CYP2C19: variants seen among roughly 807,000 people sequenced by gnomAD.
CYP2C19 encodes cytochrome P450 2C19.
Under a neutral mutation model 40.9 loss-of-function variants are expected in CYP2C19, and 59 were observed. The observed-to-expected ratio is 1.44, with a 90% CI of 1.17 to 1.79. CYP2C19 has a LOEUF of 1.79. Ranked by LOEUF, CYP2C19 falls within the 40% of genes most tolerant of loss-of-function variation. CYP2C19 has a pLI of 0.00. For missense variants in CYP2C19, 754 were observed against 596.9 expected, an observed-to-expected ratio of 1.26 and a Z score of -2.74; for synonymous variants, 253 against 208.7, an observed-to-expected ratio of 1.21 and a Z score of -1.83.
intron 6 of CYP2C19, among the ~76,000 whole-genome samples, chr10:94,841,202 GA>G (rs1437253499): frequency 6.6e-6 from 1 of 152,202 alleles, no homozygotes; most frequent in Non-Finnish European, 1.5e-5. Context: ...GTGGGTCATG[GA>G]AGAGAACCGT....
intron 6 of CYP2C19, among the ~76,000 whole-genome samples, chr10:94,837,371 G>A (rs560431565): frequency 1.3e-5 from 2 of 152,104 alleles, no homozygotes; most frequent in Non-Finnish European, 1.5e-5. Flanking sequence ...ACTTGAACAG[G>A]ACAGGCATTC....
At chr10:94,795,011 A>G (rs1211795479) in intron 5 of CYP2C19, among the ~76,000 whole-genome samples, 2 of 151,680 alleles carry the variant, frequency 1.3e-5, no homozygotes, top group African/African-American at 4.8e-5. Context: ...GTAAATATAT[A>G]TATATTTTTA....
intron 1 of CYP2C19, among the ~76,000 whole-genome samples, chr10:94,770,291 G>A (rs1399242030): frequency 1.3e-5 from 2 of 152,144 alleles, no homozygotes; most frequent in African/African-American, 4.8e-5. Context: ...GATTGCCTTG[G>A]CATAGCAGAC....
intron 6 of CYP2C19, among the ~76,000 whole-genome samples, chr10:94,835,767 C>A (rs566760189): frequency 6.6e-6 from 1 of 152,146 alleles, no homozygotes; most frequent in South Asian, 2.1e-4. Context: ...ATACTTAGAT[C>A]TGTATATATA....
intron 7 of CYP2C19, among the ~76,000 whole-genome samples, chr10:94,848,623 G>T (rs1001056651): frequency 5.9e-5 from 9 of 152,144 alleles, no homozygotes; most frequent in African/African-American, 1.7e-4. Flanking sequence ...GAAAGTCATT[G>T]GTAGCTTGAT....
intron 7 of CYP2C19, among the ~76,000 whole-genome samples, chr10:94,849,214 A>C (rs191710898): frequency 1.3e-5 from 2 of 152,196 alleles, no homozygotes; most frequent in Non-Finnish European, 2.9e-5. Flanking sequence ...ATAGAGCAGC[A>C]GGAGTGGACA....
intron 1 of CYP2C19, among the ~76,000 whole-genome samples, chr10:94,772,109 G>T (rs1002942181): frequency 4.6e-5 from 7 of 152,260 alleles, no homozygotes; most frequent in South Asian, 2.1e-4. Flanking sequence ...GAAATGGAGG[G>T]CCATACCCTG....
intron 5 of CYP2C19, among the ~76,000 whole-genome samples, chr10:94,788,288 GGGTTTTCTA>G (rs1848568394): frequency 5.3e-5 from 8 of 152,170 alleles, no homozygotes; most frequent in African/African-American, 1.9e-4. Flanking sequence ...AGGTTCTTTA[GGGTTTTCTA>G]GGCCTGAGAT....
chr10:94,768,828 C>T (rs553152073), intron 1 of CYP2C19, among the ~76,000 whole-genome samples: 1 of 152,116 alleles, frequency 6.6e-6, no homozygotes, highest in South Asian at 2.1e-4. Flanking sequence ...AGAGTTTTGT[C>T]CTGTGGGAAG....
At chr10:94,812,912 G>A (rs1848947601) in intron 5 of CYP2C19, among the ~76,000 whole-genome samples, 2 of 151,920 alleles carry the variant, frequency 1.3e-5, no homozygotes, top group South Asian at 2.1e-4. Flanking sequence ...TTGCTGGCAA[G>A]GAGTTGTGAT....
In CYP2C19 at chr10:94,780,628, ACAT is replaced by A. The variant is rs1564662988; in HGVS notation, c.614_616del (p.Ile205del). On this transcript the variant is annotated inframe_deletion, in exon 4 of 9. Transcript: ENST00000371321. Reference sequence around the variant, plus strand: ...AACTTGATGGAAAAATTGAATGAAAACATCAGGATTGTAAGCACCCCCTGGATC... The same window carrying A: ...AACTTGATGGAAAAATTGAATGAAAACAGGATTGTAAGCACCCCCTGGATC... The A allele has an allele frequency of 6.2e-7, 1 of 1,613,816 alleles. No homozygotes were observed.
chr10:94,798,010 T>C (rs1185685135), intron 5 of CYP2C19, among the ~76,000 whole-genome samples: 1 of 152,150 alleles, frequency 6.6e-6, no homozygotes, highest in African/African-American at 2.4e-5. Flanking sequence ...GCTCTGATCT[T>C]AGTTATTTCT....
chr10:94,808,074 T>C lies in CYP2C19; in HGVS notation c.820-12422T>C, dbSNP rs534034798. ...ATGAGAGATAAAAATCTTGTTTCAT[T>C]TTTCTGCATATAAACATCCAGTTTT... On this transcript the variant is annotated intron_variant, in intron 5 of 8. Coordinates refer to ENST00000371321, the MANE Select transcript of CYP2C19 (RefSeq NM_000769.4). 4.9e-4 allele frequency among the ~76,000 whole-genome samples: 75 copies of C among 152,228 alleles called. No homozygotes were observed. The South Asian group carries it at 6.2e-3, about 13-fold the overall frequency.
intron 5 of CYP2C19, among the ~76,000 whole-genome samples, chr10:94,803,106 C>G (rs911981857): frequency 1.3e-5 from 2 of 152,020 alleles, no homozygotes; most frequent in African/African-American, 4.8e-5. Flanking sequence ...TTAGTGTGGT[C>G]TTTTGGTGGT....
At chr10:94,833,444 T>G (rs945127527) in intron 6 of CYP2C19, among the ~76,000 whole-genome samples, 2 of 149,556 alleles carry the variant, frequency 1.3e-5, no homozygotes, top group South Asian at 2.1e-4. Flanking sequence ...ATCTCAAGTG[T>G]TTTTTTTTCT....
Position 94,827,217 on chromosome 10 carries a change from G to C in CYP2C19, c.961+6580G>C, listed in dbSNP as rs562100984. On this transcript the variant is annotated intron_variant, in intron 6 of 8. Coordinates refer to ENST00000371321, the MANE Select transcript of CYP2C19 (RefSeq NM_000769.4). Reference sequence around the variant, plus strand: ...GGATTCCCTCTTTTTCTATTGATTGGAATAGTTTTAGAAGGAATGGTACCA... The same window carrying C: ...GGATTCCCTCTTTTTCTATTGATTGCAATAGTTTTAGAAGGAATGGTACCA... Among the ~76,000 whole-genome samples the C allele has an allele frequency of 5.9e-5, 9 of 152,016 alleles. No individual in the cohort carries two copies. In the East Asian group the frequency reaches 1.7e-3, roughly 29 times the overall value.
chr10:94,817,697 G>T (rs1405787406), intron 5 of CYP2C19, among the ~76,000 whole-genome samples: 7 of 151,644 alleles, frequency 4.6e-5, no homozygotes, highest in Admixed American at 1.3e-4. Flanking sequence ...TTCTTCTAGG[G>T]TTTTTATGGT....
chr10:94,786,468 A>AT (rs1320234775), intron 5 of CYP2C19, among the ~76,000 whole-genome samples: 1 of 152,004 alleles, frequency 6.6e-6, no homozygotes, highest in Non-Finnish European at 1.5e-5. Flanking sequence ...TAAATTTTGT[A>AT]TTTAGTTATG....
intron 6 of CYP2C19, among the ~76,000 whole-genome samples, chr10:94,826,998 C>T (rs982438724): frequency 1.3e-5 from 2 of 152,082 alleles, no homozygotes; most frequent in Non-Finnish European, 2.9e-5. Flanking sequence ...AGCCTTGCAT[C>T]CCAGGGATGA....
Sources: allele counts gnomAD v4.1 joint callset (sites outside exome capture counted in the v4.1 genomes callset), GRCh38; gene constraint gnomAD v4.1.1; transcripts MANE v1.5; gene names NCBI Gene and HGNC (gene_info 2026-07-23, HGNC 2026-07-21).